The following GPR107 variants were observed in gnomAD, a reference collection of about 807,000 sequenced individuals.
The protein encoded by GPR107 is G protein-coupled receptor 107.
GPR107 carries 31 observed loss-of-function variants against 75.5 expected under a neutral mutation model. That is an observed-to-expected ratio of 0.41 (90% CI 0.31 to 0.55). The LOEUF (loss-of-function observed/expected upper bound fraction) is 0.55, where lower values mean the gene tolerates loss of function less well. Ranked by LOEUF, GPR107 falls within the 20% of genes least tolerant of loss-of-function variation. GPR107 has a pLI of 0.26. For synonymous variants in GPR107, 267 were observed against 251.3 expected (o/e 1.06, Z -0.59); for missense variants, 572 against 665.7 (o/e 0.86, Z 1.55).
At chr9:130,119,818 GTTTT>G (rs869222207) in intron 14 of GPR107, among the ~76,000 whole-genome samples, 133 of 53,730 alleles carry the variant, frequency 2.5e-3, no homozygotes, top group Admixed American at 5.0e-3. Context: ...TTTTTAGTCT[GTTTT>G]TTTTGTTTGT....
intron 1 of GPR107, among the ~76,000 whole-genome samples, chr9:130,062,345 G>C (rs559762642): frequency 6.6e-6 from 1 of 151,054 alleles, no homozygotes; most frequent in Non-Finnish European, 1.5e-5. Context: ...CCTGGGAGGC[G>C]GAGGTTGCAG....
At chr9:130,127,320 A>G (rs557181020) in intron 15 of GPR107, among the ~76,000 whole-genome samples, 163 bp from the exon 16 acceptor site, 1 of 152,356 alleles carries the variant, frequency 6.6e-6, no homozygotes. Context: ...CAGAGTAGCC[A>G]TGTCTCTCCG....
intron 8 of GPR107, 149 bp downstream of exon 8, chr9:130,091,132 GGATTCATAGGAA>G (rs2132590589): frequency 3.3e-6 from 2 of 604,086 alleles, no homozygotes; most frequent in East Asian, 6.1e-5. Flanking sequence ...CTTCAGCAGA[GGATTCATAGGAA>G]AATACAAAGC....
At chr9:130,100,543 A>C in intron 10 of GPR107, 86 bp from the exon 11 acceptor site, 1 of 981,688 alleles carries the variant, frequency 1.0e-6, no homozygotes, top group Non-Finnish European at 1.6e-6. Context: ...GATTTGGATA[A>C]TTTCCCAAAT....
At chr9:130,058,111 G>A (rs1829837685) in intron 1 of GPR107, among the ~76,000 whole-genome samples, 1 of 152,124 alleles carries the variant, frequency 6.6e-6, no homozygotes, top group Non-Finnish European at 1.5e-5. Flanking sequence ...TTACAGGCGT[G>A]AGCCACCGCT....
In GPR107 at chr9:130,086,485, G is replaced by A. The variant is rs144052817; in HGVS notation, c.621+9G>A. The A allele has an allele frequency of 9.9e-5, 147 of 1,478,768 alleles. No individual in the cohort carries two copies. The East Asian group carries it at 2.6e-3, about 26-fold the overall frequency. The allele number at this position is 1,478,768 out of a possible 1,614,324, so 91.6% of individuals were successfully genotyped here. ...GGGCAGTGTCATTTCAGGTATGTAT[G>A]CTCTTTGTGTAAAGCCTCCTAGAAT... On this transcript the variant is annotated intron_variant, in intron 7 of 17. Transcript: ENST00000347136.
chr9:130,066,480 A>T (rs1429731125), intron 1 of GPR107, among the ~76,000 whole-genome samples: 2 of 152,078 alleles, frequency 1.3e-5, no homozygotes, highest in Non-Finnish European at 2.9e-5. Flanking sequence ...GTAAATCTCA[A>T]ACCTTTCCTA....
At chr9:130,086,330 A>C (rs1830614658) in intron 6 of GPR107, 90 bp from the exon 7 acceptor site, 1 of 748,400 alleles carries the variant, frequency 1.3e-6, no homozygotes, top group Non-Finnish European at 2.4e-6. Context: ...AGAGTTTAAG[A>C]AACATGTTTT....
At chr9:130,121,181 T>TC (rs374057996) in intron 14 of GPR107, among the ~76,000 whole-genome samples, 67 of 140,880 alleles carry the variant, frequency 4.8e-4, no homozygotes, top group South Asian at 1.2e-3. Context: ...AGACCCTATC[T>TC]CAAAACAAAA....
intron 9 of GPR107, among the ~76,000 whole-genome samples, chr9:130,094,197 C>A (rs928724509): frequency 2.6e-5 from 4 of 152,160 alleles, no homozygotes; most frequent in African/African-American, 9.7e-5. Context: ...GTAATCCTAG[C>A]ACTTTGGGAG....
chr9:130,083,906 C>T (rs1383903115), intron 6 of GPR107, among the ~76,000 whole-genome samples: 1 of 151,750 alleles, frequency 6.6e-6, no homozygotes, highest in Non-Finnish European at 1.5e-5. Context: ...AACGTAAATG[C>T]TTTGTAAATA....
intron 1 of GPR107, among the ~76,000 whole-genome samples, chr9:130,060,787 C>CA (rs904132127): frequency 3.9e-5 from 6 of 152,116 alleles, no homozygotes; most frequent in African/African-American, 1.4e-4. Flanking sequence ...AATTATAACT[C>CA]AAATACTCTA....
At chr9:130,077,514 G>A (rs1243658157) in intron 4 of GPR107, 136 bp downstream of exon 4, 1 of 627,782 alleles carries the variant, frequency 1.6e-6, no homozygotes, top group Non-Finnish European at 2.9e-6. Context: ...ACAAGGCTAG[G>A]GAGACAGAGG....
Position 130,097,912 on chromosome 9 carries a change from C to T in GPR107, c.864-1545C>T, listed in dbSNP as rs115826373. Among the ~76,000 whole-genome samples, 795 of 152,070 alleles carry T rather than the reference C, an allele frequency of 5.2e-3. 6 individuals carry two copies. Among genetic ancestry groups the T allele is most frequent in the African/African-American group, 0.018 (758 of 41,470 alleles). On this transcript the variant is annotated intron_variant, in intron 9 of 17. Transcript: ENST00000347136. The stretch of plus-strand genomic sequence containing the variant: ...TTGAGACCGTTTTGAGACAGGGACT[C>T]GCTCTGTCACCCAGTCTGGAGTGCA...
chr9:130,084,841 A>C (rs1273934525), intron 6 of GPR107, among the ~76,000 whole-genome samples: 1 of 152,062 alleles, frequency 6.6e-6, no homozygotes, highest in Non-Finnish European at 1.5e-5. Context: ...ATGTAGGATC[A>C]GGTAGTTAGG....
rs75995747 is a variant in GPR107 at position 130,132,265 on chromosome 9, C to T, written c.1563-2760C>T. On this transcript the variant is annotated intron_variant, in intron 17 of 17. Coordinates refer to ENST00000347136, the MANE Select transcript of GPR107 (RefSeq NM_020960.5). ...TGTTTTTGCAGTGCCAGTTTCCTGG[C>T]CGCACCCCTGGAGACTCTGATTCTC... 2.4e-3 allele frequency among the ~76,000 whole-genome samples: 368 copies of T among 152,290 alleles called. 13 individuals are homozygous for T. In the East Asian group the frequency reaches 0.063, roughly 26 times the overall value.
At chr9:130,084,492 T>A (rs1409089162) in intron 6 of GPR107, among the ~76,000 whole-genome samples, 1 of 150,384 alleles carries the variant, frequency 6.6e-6, no homozygotes, top group African/African-American at 2.5e-5. Context: ...GACAATTGAT[T>A]CCTGGCTGGG....
At chr9:130,091,486 A>T (rs1048718753) in intron 8 of GPR107, among the ~76,000 whole-genome samples, 9 of 141,148 alleles carry the variant, frequency 6.4e-5, no homozygotes, top group African/African-American at 2.0e-4. Context: ...GTCTCAAATT[A>T]AAAAAAAAAA....
At chr9:130,091,675 C>A (rs1830742712) in intron 8 of GPR107, among the ~76,000 whole-genome samples, 1 of 150,722 alleles carries the variant, frequency 6.6e-6, no homozygotes, top group South Asian at 2.1e-4. Flanking sequence ...ATTACAGGCG[C>A]CTTTCACAAT....
Sources: gnomAD v4.1 joint callset for allele counts (sites outside exome capture counted in the v4.1 genomes callset) on GRCh38, gnomAD v4.1.1 for gene constraint, MANE v1.5 for transcripts, NCBI Gene and HGNC (gene_info 2026-07-23, HGNC 2026-07-21) for gene names.